KIF3B: variants seen among roughly 807,000 people sequenced by gnomAD.
The protein encoded by KIF3B is kinesin family member 3B, also known as kinesin-like protein KIF3B.
A neutral mutation model predicts 74.3 loss-of-function variants in KIF3B; 38 were observed. The ratio of observed to expected loss-of-function variants is 0.51; its 90% CI spans 0.39 to 0.67. The LOEUF (loss-of-function observed/expected upper bound fraction) is 0.67. KIF3B is among the 30% of genes least tolerant of loss of function. The pLI is 0.00. For missense variants in KIF3B, 649 were observed against 932.0 expected (o/e 0.70, Z 3.95); for synonymous variants, 326 against 342.5 (o/e 0.95, Z 0.53).
chr20:32,278,819 T>C (rs988366728), intron 1 of KIF3B, among the ~76,000 whole-genome samples: 1 of 152,176 alleles, frequency 6.6e-6, no homozygotes, highest in East Asian at 1.9e-4. Context: ...TTTCATTTAA[T>C]CTTTATGTAG....
intron 1 of KIF3B, among the ~76,000 whole-genome samples, chr20:32,283,230 G>A (rs1034939083): frequency 6.6e-6 from 1 of 152,168 alleles, no homozygotes; most frequent in Non-Finnish European, 1.5e-5. Context: ...TTGGGGACGG[G>A]TGTGGTGGCT....
intron 1 of KIF3B, among the ~76,000 whole-genome samples, chr20:32,283,532 A>G (rs1386660880): frequency 6.9e-6 from 1 of 144,740 alleles, no homozygotes; most frequent in African/African-American, 2.6e-5. Flanking sequence ...GTAGATGGCT[A>G]GGCATGGTGA....
Position 32,309,745 on chromosome 20 carries a change from A to G in KIF3B, c.-33A>G. The G allele has an allele frequency of 1.3e-6, 2 of 1,584,208 alleles. No homozygotes were observed. Among genetic ancestry groups the G allele is most frequent in the South Asian group, 1.2e-5 (1 of 86,242 alleles). ...GCATCCTGAGACATTTTGAATTGAC[A>G]CTTCTCAAGATTTGACTGGATCAGA... is the stretch of plus-strand genomic sequence containing the variant. On this transcript the variant is annotated 5_prime_UTR_variant, in exon 2 of 9. Coordinates refer to ENST00000375712, the MANE Select transcript of KIF3B (RefSeq NM_004798.4).
chr20:32,291,258 G>A (rs2047689904), intron 1 of KIF3B, among the ~76,000 whole-genome samples: 1 of 152,082 alleles, frequency 6.6e-6, no homozygotes, highest in East Asian at 1.9e-4. Context: ...TATTATGTGG[G>A]GTTTTTTACT....
chr20:32,321,304 C>T (rs910321750), intron 5 of KIF3B, among the ~76,000 whole-genome samples: 5 of 151,928 alleles, frequency 3.3e-5, no homozygotes, highest in African/African-American at 7.3e-5. Context: ...TGGTGCACAC[C>T]TGTAGTCCCA....
chr20:32,295,023 A>T (rs1342731977), intron 1 of KIF3B, among the ~76,000 whole-genome samples: 1 of 152,184 alleles, frequency 6.6e-6, no homozygotes, highest in African/African-American at 2.4e-5. Context: ...AGAGGTGGTG[A>T]TGTGACAAAC....
In KIF3B at chr20:32,310,064, G is replaced by A; in HGVS notation, c.287G>A (p.Gly96Glu). The A allele has an allele frequency of 6.2e-7, 1 of 1,614,114 alleles. No homozygotes were observed. The highest frequency in any genetic ancestry group is 8.5e-7 in the Non-Finnish European group (1 of 1,180,022). ...QGFNGTIFAY[G>E]QTGTGKTYTM... ...TTCAATGGAACCATTTTTGCCTATG[G>A]ACAAACTGGGACAGGAAAAACCTAC... The change falls in exon 2 of 9, where the codon GGA (glycine) becomes GAA (glutamate). Residue 96 changes from glycine (G) to glutamate (E), a missense_variant. Physicochemically the swap from Gly to Glu is moderately conservative, Grantham distance 98. Around this residue, in one of 4 missense-constraint regions of KIF3B, gnomAD observed 96 missense variants for 119.0 expected, o/e 0.81. Transcript: ENST00000375712. This position sits in a 1 kb window ranked among gnomAD's most constrained non-coding sequence, Gnocchi z 6.5.
chr20:32,295,101 G>T (rs1019934451), intron 1 of KIF3B, among the ~76,000 whole-genome samples: 1 of 152,120 alleles, frequency 6.6e-6, no homozygotes, highest in Admixed American at 6.6e-5. Flanking sequence ...ATAATTCCAA[G>T]AAATGGAATT....
chr20:32,324,458 G>A (rs73906117), intron 5 of KIF3B, among the ~76,000 whole-genome samples: 3,841 of 152,198 alleles, frequency 0.025, 156 homozygotes, highest in African/African-American at 0.086. Flanking sequence ...TTTCTAGTAG[G>A]TTCCAGGTAT....
At chr20:32,316,951 C>G in intron 5 of KIF3B, 77 bp downstream of exon 5, 1 of 1,136,448 alleles carries the variant, frequency 8.8e-7, no homozygotes, top group South Asian at 1.2e-5. Context: ...TAGAAACAGC[C>G]CTGGCTGGGC....
intron 1 of KIF3B, among the ~76,000 whole-genome samples, chr20:32,285,739 T>G (rs1239519977): frequency 6.6e-6 from 1 of 151,986 alleles, no homozygotes; most frequent in East Asian, 1.9e-4. Flanking sequence ...GAACCTTGAG[T>G]TGGGTGATAT....
intron 1 of KIF3B, among the ~76,000 whole-genome samples, chr20:32,290,299 C>G (rs935511772): frequency 6.6e-6 from 1 of 152,016 alleles, no homozygotes; most frequent in African/African-American, 2.4e-5. Flanking sequence ...AGGAGAATCC[C>G]TTGAACCTGG....
chr20:32,315,724 A>T (rs1007384125), intron 2 of KIF3B, among the ~76,000 whole-genome samples: 73 of 152,176 alleles, frequency 4.8e-4, no homozygotes, highest in African/African-American at 1.6e-3. Flanking sequence ...AAAAAATTTT[A>T]AAAAATCCCC....
At position 32,330,126 on chromosome 20, in the gene KIF3B, G is replaced by A. The variant is rs755006985; in HGVS notation, c.1969-15G>A. Reference sequence around the variant, plus strand: ...TTGGAGGCTAACCTAGCTGGTGATGGCTGTGCTTCTGCAGGCAGAAAACAT... The same window carrying A: ...TTGGAGGCTAACCTAGCTGGTGATGACTGTGCTTCTGCAGGCAGAAAACAT... On this transcript the variant is annotated splice_polypyrimidine_tract_variant and intron_variant, in intron 7 of 8. Coordinates refer to ENST00000375712, the MANE Select transcript of KIF3B (RefSeq NM_004798.4). 2 of 1,607,948 alleles carry A rather than the reference G, an allele frequency of 1.2e-6. No homozygotes were observed. The highest frequency in any genetic ancestry group is 2.2e-5 in the East Asian group (1 of 44,714).
chr20:32,314,329 C>G (rs1274991034), intron 2 of KIF3B, among the ~76,000 whole-genome samples: 1 of 152,140 alleles, frequency 6.6e-6, no homozygotes, highest in Non-Finnish European at 1.5e-5. Context: ...CCCTTGAGGT[C>G]AGGAGTTCAA....
chr20:32,300,839 T>TTTG (rs145346172), intron 1 of KIF3B, among the ~76,000 whole-genome samples: 8,238 of 150,780 alleles, frequency 0.055, 282 homozygotes, highest in African/African-American at 0.088. Flanking sequence ...TGCTGAGGAT[T>TTTG]TTGTTGTTGT....
At chr20:32,317,150 T>A (rs1329797531) in intron 5 of KIF3B, among the ~76,000 whole-genome samples, 1 of 152,076 alleles carries the variant, frequency 6.6e-6, no homozygotes, top group African/African-American at 2.4e-5. Context: ...GATAGGAGAA[T>A]CGCTTGAACC....
chr20:32,303,560 G>T (rs1005560817), intron 1 of KIF3B, among the ~76,000 whole-genome samples: 1 of 138,408 alleles, frequency 7.2e-6, no homozygotes, highest in African/African-American at 2.7e-5. Flanking sequence ...GCGAGACTCC[G>T]TTAAAAAAAA....
chr20:32,330,550 G>A (rs566174446), intron 8 of KIF3B, among the ~76,000 whole-genome samples: 1 of 152,334 alleles, frequency 6.6e-6, no homozygotes, highest in African/African-American at 2.4e-5. Flanking sequence ...TAAGGTGAAT[G>A]TGTTCTAGTG....
Sources: allele counts gnomAD v4.1 joint callset (sites outside exome capture counted in the v4.1 genomes callset), GRCh38; gene constraint gnomAD v4.1.1; regional missense constraint gnomAD v4.1.1; non-coding constraint Gnocchi (gnomAD v3.1); transcripts MANE v1.5; gene names NCBI Gene and HGNC (gene_info 2026-07-23, HGNC 2026-07-21).